The following MYO16 variants were observed in gnomAD, a reference collection of about 807,000 sequenced individuals.
MYO16 encodes myosin XVI, also known as unconventional myosin-XVI.
In MYO16, 94 loss-of-function variants were observed where a neutral mutation model predicts 205.3. That is an observed-to-expected ratio of 0.46 (90% CI 0.39 to 0.54). The LOEUF is 0.54. Among genes scored for constraint, MYO16 ranks in the 20% least tolerant of loss-of-function variants. MYO16 has a pLI of 0.00. For missense variants in MYO16, 2,315 were observed against 2,387.5 expected (o/e 0.97, Z 0.63); for synonymous variants, 988 against 954.0 (o/e 1.04, Z -0.66).
At chr13:108,547,651 G>A in the MYO16 span, among the ~76,000 whole-genome samples, 5 of 152,208 alleles carry the variant, frequency 3.3e-5, no homozygotes, top group Non-Finnish European at 5.9e-5. Flanking sequence ...TAAAGAAATA[G>A]GCTATAGGCC....
intron 16 of MYO16, among the ~76,000 whole-genome samples, chr13:108,931,470 T>C (rs12428415): frequency 0.045 from 6,909 of 152,290 alleles, 302 homozygotes; most frequent in Admixed American, 0.13. Flanking sequence ...TTTGTAGCTC[T>C]CTCCAACGCC....
At chr13:108,733,101 G>T (rs1884576839) in intron 4 of MYO16, among the ~76,000 whole-genome samples, 1 of 152,168 alleles carries the variant, frequency 6.6e-6, no homozygotes, top group African/African-American at 2.4e-5. Flanking sequence ...ATTGATTTGT[G>T]AGGTGATTTA....
At chr13:109,046,268 C>T (rs1365923192) in intron 23 of MYO16, among the ~76,000 whole-genome samples, 1 of 152,030 alleles carries the variant, frequency 6.6e-6, no homozygotes. Context: ...GATCAGCTTC[C>T]CATGACCACT....
chr13:109,186,725 G>A (rs748565058), intron 34 of MYO16, among the ~76,000 whole-genome samples: 1 of 152,108 alleles, frequency 6.6e-6, no homozygotes, highest in African/African-American at 2.4e-5. Context: ...TGTGGTCATG[G>A]CATTTCTTAA....
chr13:108,706,347 A>C (rs1883510080), intron 2 of MYO16, among the ~76,000 whole-genome samples: 1 of 152,234 alleles, frequency 6.6e-6, no homozygotes, highest in African/African-American at 2.4e-5. Flanking sequence ...AGAAAGGCCT[A>C]AGAGATATAA....
intron 2 of MYO16, among the ~76,000 whole-genome samples, chr13:108,701,898 GA>G (rs1240778835): frequency 6.6e-6 from 1 of 152,078 alleles, no homozygotes; most frequent in African/African-American, 2.4e-5. Flanking sequence ...TTCTGAAGTT[GA>G]AAAGCACAGT....
chr13:108,607,735 C>T (rs932811465), intron 1 of MYO16, among the ~76,000 whole-genome samples: 6 of 152,078 alleles, frequency 3.9e-5, no homozygotes, highest in East Asian at 1.9e-4. Flanking sequence ...AATGGAACCC[C>T]GACACCTCCA....
At chr13:109,132,362 G>A (rs1438370531) in intron 31 of MYO16, among the ~76,000 whole-genome samples, 1 of 152,154 alleles carries the variant, frequency 6.6e-6, no homozygotes, top group East Asian at 1.9e-4. Context: ...CTGTACAACT[G>A]CATTCTCCAC....
intron 33 of MYO16, among the ~76,000 whole-genome samples, chr13:109,167,465 T>C (rs1878728793): frequency 6.6e-6 from 1 of 151,686 alleles, no homozygotes; most frequent in African/African-American, 2.4e-5. Flanking sequence ...AACAGCTGAG[T>C]GGTTGCTGGA....
At chr13:108,802,558 T>A (rs1424425781) in intron 6 of MYO16, among the ~76,000 whole-genome samples, 1 of 152,230 alleles carries the variant, frequency 6.6e-6, no homozygotes, top group African/African-American at 2.4e-5. Flanking sequence ...AATATCCCTA[T>A]GACATAGCAA....
At chr13:109,183,385 A>G (rs1390135290) in intron 34 of MYO16, among the ~76,000 whole-genome samples, 5 of 152,238 alleles carry the variant, frequency 3.3e-5, no homozygotes, top group African/African-American at 9.6e-5. Flanking sequence ...AGGTGGGAGG[A>G]TGGCCTGAAG....
intron 27 of MYO16, among the ~76,000 whole-genome samples, chr13:109,067,225 T>C (rs933139516): frequency 1.3e-5 from 2 of 152,214 alleles, no homozygotes; most frequent in Admixed American, 6.5e-5. Flanking sequence ...TATGTAGACA[T>C]TTGTTATTAT....
intron 2 of MYO16, among the ~76,000 whole-genome samples, chr13:108,706,049 A>C (rs2139531387): frequency 6.6e-6 from 1 of 152,330 alleles, no homozygotes; most frequent in African/African-American, 2.4e-5. Context: ...GATCAAGAGA[A>C]ACCATAGTAA....
intron 29 of MYO16, among the ~76,000 whole-genome samples, chr13:109,121,955 A>G (rs1361078323): frequency 6.6e-6 from 1 of 152,194 alleles, no homozygotes; most frequent in African/African-American, 2.4e-5. Flanking sequence ...TTCAACCTTC[A>G]TCAGTGCAGG....
chr13:108,598,125 A>T (rs113988779), intron 1 of MYO16, among the ~76,000 whole-genome samples: 160 of 152,324 alleles, frequency 1.1e-3, no homozygotes, highest in African/African-American at 3.5e-3. Flanking sequence ...GCAGAGATCA[A>T]TATCAGCGTT....
At chr13:109,115,690 A>C (rs2139748838) in intron 28 of MYO16, among the ~76,000 whole-genome samples, 1 of 152,330 alleles carries the variant, frequency 6.6e-6, no homozygotes, top group East Asian at 1.9e-4. Context: ...AGGAAAAAAA[A>C]ATCAAAAATG....
rs1432979973 is a variant in MYO16 at position 109,127,566 on chromosome 13, G to C, written c.4051+16G>C. On this transcript the variant is annotated intron_variant, in intron 31 of 34. Coordinates refer to ENST00000457511, the MANE Select transcript of MYO16 (RefSeq NM_001198950.3). This position sits in a 1 kb window ranked among gnomAD's most constrained non-coding sequence, Gnocchi z 4.2. ...GCCAACGAAGGTCAGCCCTGGGGAG[G>C]GACCCAGCCTCGTGTTCCGGGCTCG... The C allele has an allele frequency of 1.9e-6, 3 of 1,604,634 alleles. No homozygotes were observed. Among genetic ancestry groups the C allele is most frequent in the Non-Finnish European group, 2.5e-6 (3 of 1,178,850 alleles).
chr13:108,876,128 C>A (rs186309409), intron 12 of MYO16, among the ~76,000 whole-genome samples: 3 of 152,074 alleles, frequency 2.0e-5, no homozygotes, highest in African/African-American at 7.2e-5. Context: ...TAAAACTCCT[C>A]AGTTTTATGA....
chr13:108,608,142 G>C (rs560653267), intron 1 of MYO16, among the ~76,000 whole-genome samples: 1 of 152,002 alleles, frequency 6.6e-6, no homozygotes, highest in Non-Finnish European at 1.5e-5. Context: ...TTTAGTTTCC[G>C]TCACTGTTTT....
Sources: gnomAD v4.1 joint callset for allele counts (sites outside exome capture counted in the v4.1 genomes callset) on GRCh38, gnomAD v4.1.1 for gene constraint, Gnocchi (gnomAD v3.1) non-coding constraint, MANE v1.5 for transcripts, NCBI Gene and HGNC (gene_info 2026-07-23, HGNC 2026-07-21) for gene names.